Variants in CFAP57 observed in about 807,000 individuals in gnomAD.
The protein encoded by CFAP57 is cilia and flagella associated protein 57.
A neutral mutation model predicts 146.8 loss-of-function variants in CFAP57; 116 were observed. That is an observed-to-expected ratio of 0.79 (90% CI 0.68 to 0.92). The LOEUF (loss-of-function observed/expected upper bound fraction) is 0.92, where lower values mean the gene tolerates loss of function less well. CFAP57 is among the 40% of genes least tolerant of loss of function. The pLI, the probability that CFAP57 is intolerant of heterozygous loss-of-function variation, is 0.00. For synonymous variants in CFAP57, 518 were observed against 552.8 expected, an observed-to-expected ratio of 0.94 and a Z score of 0.88; for missense variants, 1,377 against 1,527.2, an observed-to-expected ratio of 0.90 and a Z score of 1.64.
chr1:43,248,388 G>A (rs1646198146), intron 22 of CFAP57, among the ~76,000 whole-genome samples: 1 of 149,850 alleles, frequency 6.7e-6, no homozygotes, highest in Non-Finnish European at 1.5e-5. Flanking sequence ...CGCAATCTCG[G>A]CTCACTGCAA....
chr1:43,248,868 C>T (rs974112627), intron 22 of CFAP57, among the ~76,000 whole-genome samples: 1 of 115,494 alleles, frequency 8.7e-6, no homozygotes, highest in Non-Finnish European at 1.7e-5. Context: ...CATATTTCTC[C>T]ATATCATAAC....
At chr1:43,188,620 CTT>C (rs1425819362) in intron 6 of CFAP57, among the ~76,000 whole-genome samples, 1 of 152,046 alleles carries the variant, frequency 6.6e-6, no homozygotes, top group Non-Finnish European at 1.5e-5. Context: ...AGTCATATGT[CTT>C]TTTATTATTG....
chr1:43,245,826 A>T (rs1646095483), intron 22 of CFAP57, among the ~76,000 whole-genome samples: 1 of 152,236 alleles, frequency 6.6e-6, no homozygotes, highest in African/African-American at 2.4e-5. Context: ...AAAGGAGTTA[A>T]GGAAAATTTT....
intron 13 of CFAP57, among the ~76,000 whole-genome samples, chr1:43,220,956 C>T (rs1173278512): frequency 6.6e-6 from 1 of 152,162 alleles, no homozygotes; most frequent in East Asian, 1.9e-4. Context: ...CTCCAACTCG[C>T]CCCCCAAGCC....
intron 2 of CFAP57, among the ~76,000 whole-genome samples, chr1:43,174,525 A>G (rs1412043182): frequency 1.3e-5 from 2 of 152,216 alleles, no homozygotes. Context: ...GGGCAATAAA[A>G]ATGGACATCT....
intron 19 of CFAP57, among the ~76,000 whole-genome samples, chr1:43,233,519 C>T (rs1645559165): frequency 6.6e-6 from 1 of 151,842 alleles, no homozygotes; most frequent in Non-Finnish European, 1.5e-5. Context: ...AAATTTCCAT[C>T]TTCTGCAGTA....
Position 43,243,384 on chromosome 1 carries a change from G to A in CFAP57, c.3538+25G>A, listed in dbSNP as rs765696396. ...GGTAATATCACCAGTGGCCAGGGGA[G>A]ATGGGCACTGGGACGAAGGGATTGA... is the stretch of plus-strand genomic sequence containing the variant. On this transcript the variant is annotated intron_variant, in intron 22 of 22. Transcript: ENST00000372492. 8.7e-6 allele frequency: 13 copies of A among 1,500,224 alleles called. No individual in the cohort carries two copies. In the South Asian group the frequency reaches 1.6e-4, roughly 18 times the overall value. The allele number at this position is 1,500,224 out of a possible 1,614,324, so 92.9% of individuals were successfully genotyped here.
chr1:43,222,903 T>G lies in CFAP57; in HGVS notation c.2612T>G (p.Ile871Ser). 2 of 1,550,106 alleles carry G rather than the reference T, an allele frequency of 1.3e-6. No homozygotes were observed. The highest frequency in any genetic ancestry group is 2.4e-5 in the East Asian group (1 of 40,884). Reference protein sequence around the residue: ...KQIEEDEDREIQDIKTKYEKK... With the variant: ...KQIEEDEDRESQDIKTKYEKK... ...ATTGAGGAAGATGAAGACCGAGAAA[T>G]CCAAGATATCAAAACCAAGTATGAG... The change falls in exon 16 of 23, where the codon ATC becomes AGC. Residue 871 changes from isoleucine to serine, a missense_variant. Coordinates refer to ENST00000372492, the MANE Select transcript of CFAP57 (RefSeq NM_001378189.1).
rs544595082 is a variant in CFAP57, at chr1:43,238,606, G to C, written c.3405+3968G>C. Among the ~76,000 whole-genome samples, 1 of 152,142 alleles carries C rather than the reference G, an allele frequency of 6.6e-6. No homozygotes were observed. The highest frequency in any genetic ancestry group is 6.5e-5 in the Admixed American group (1 of 15,268). ...TGCATTCACATTTTTAATCCACAAA[G>C]CCATCCAAAGCAAAAACGGTCGACC... On this transcript the variant is annotated intron_variant, in intron 21 of 22. Coordinates refer to ENST00000372492, the MANE Select transcript of CFAP57 (RefSeq NM_001378189.1). This position sits in a 1 kb window ranked among gnomAD's most constrained non-coding sequence, Gnocchi z 4.3.
In CFAP57 at chr1:43,234,369, A is replaced by G; in HGVS notation, c.3217A>G (p.Lys1073Glu). Residue 1073 changes from lysine (K) to glutamate (E), a missense_variant, in exon 20 of 23, where the codon AAG becomes GAG. Transcript: ENST00000372492. The part of the protein sequence containing the change: ...YIQEPRLLKE[K>E]VRGLFEKYVQ... ...TCAGGAACCGCGGCTGCTGAAGGAGAAGGTTCGAGGTCTCTTTGAGAAGTA... is the reference window on the plus strand; with the variant it reads ...TCAGGAACCGCGGCTGCTGAAGGAGGAGGTTCGAGGTCTCTTTGAGAAGTA... 6.5e-7 allele frequency: 1 copy of G among 1,550,374 alleles called. No homozygotes were observed. The highest frequency in any genetic ancestry group is 1.2e-5 in the South Asian group (1 of 84,040).
At chr1:43,197,878 G>A (rs1643931399) in intron 7 of CFAP57, among the ~76,000 whole-genome samples, 186 bp downstream of exon 7, 1 of 152,172 alleles carries the variant, frequency 6.6e-6, no homozygotes, top group African/African-American at 2.4e-5. Flanking sequence ...AAACTACTTT[G>A]TGGTTTATTT....
chr1:43,209,943 C>A (rs776892586), intron 11 of CFAP57, 27 bp downstream of exon 11: 12 of 1,613,992 alleles, frequency 7.4e-6, no homozygotes, highest in Non-Finnish European at 9.3e-6. Flanking sequence ...CCCCAGGAAC[C>A]CAGTCCCACA....
intron 18 of CFAP57, among the ~76,000 whole-genome samples, chr1:43,228,087 G>A (rs760404142): frequency 9.5e-4 from 144 of 152,284 alleles, no homozygotes; most frequent in Admixed American, 2.9e-3. Context: ...ATAGAGGCCT[G>A]AGTGAACTCC....
chr1:43,199,042 G>A (rs763270344), intron 8 of CFAP57, among the ~76,000 whole-genome samples: 1 of 152,200 alleles, frequency 6.6e-6, no homozygotes, highest in Non-Finnish European at 1.5e-5. Context: ...GTAATAAAGA[G>A]CGCATCAGCT....
chr1:43,234,149 CT>C (rs1645589715), intron 19 of CFAP57, 129 bp from the exon 20 acceptor site: 2 of 1,108,726 alleles, frequency 1.8e-6, no homozygotes, highest in African/African-American at 1.6e-5. Context: ...AGTATGGCCC[CT>C]GGCAGTCAGC....
intron 21 of CFAP57, among the ~76,000 whole-genome samples, chr1:43,240,462 G>C (rs1434892045): frequency 6.6e-6 from 1 of 152,200 alleles, no homozygotes; most frequent in African/African-American, 2.4e-5. Flanking sequence ...TGAGGGTTCA[G>C]ACAGTGAACA....
intron 14 of CFAP57, among the ~76,000 whole-genome samples, 185 bp downstream of exon 14, chr1:43,221,650 A>G (rs1237784143): frequency 6.6e-6 from 1 of 152,188 alleles, no homozygotes; most frequent in African/African-American, 2.4e-5. Context: ...TTCACTAAGC[A>G]CATTAAACAC....
Position 43,222,254 on chromosome 1 carries a change from T to G in CFAP57, c.2491T>G (p.Tyr831Asp). 6.7e-7 allele frequency: 1 copy of G among 1,481,880 alleles called. No homozygotes were observed. Among genetic ancestry groups the G allele is most frequent in the South Asian group, 1.4e-5 (1 of 72,742 alleles). The allele number at this position is 1,481,880 out of a possible 1,614,324, so 91.8% of individuals were successfully genotyped here. Residue 831 changes from tyrosine to aspartate, a missense_variant, in exon 15 of 23, where the codon TAC becomes GAC. By Grantham distance (160) the Tyr-to-Asp change is radical. Transcript: ENST00000372492. ...SQALEELTEF[Y>D]EAKLQEKTTL... is the part of the protein sequence containing the mutation. ...GGCCCTGGAGGAGCTGACTGAGTTTTACGAGGCAAAACTGCAGGAGAAAAC... is the reference window on the plus strand; with the variant it reads ...GGCCCTGGAGGAGCTGACTGAGTTTGACGAGGCAAAACTGCAGGAGAAAAC...
At chr1:43,248,993 T>C (rs1254036738) in intron 22 of CFAP57, among the ~76,000 whole-genome samples, 1 of 151,604 alleles carries the variant, frequency 6.6e-6, no homozygotes, top group East Asian at 1.9e-4. Flanking sequence ...GCCATTCTCC[T>C]GCCTCAGCCT....
Sources: gnomAD v4.1 joint callset for allele counts (sites outside exome capture counted in the v4.1 genomes callset) on GRCh38, gnomAD v4.1.1 for gene constraint, Gnocchi (gnomAD v3.1) non-coding constraint, MANE v1.5 for transcripts, NCBI Gene and HGNC (gene_info 2026-07-23, HGNC 2026-07-21) for gene names.